IGSF9: variants seen among roughly 807,000 people sequenced by gnomAD.
The protein encoded by IGSF9 is immunoglobulin superfamily member 9.
In IGSF9, 87 loss-of-function variants were observed where a neutral mutation model predicts 121.7. That is an observed-to-expected ratio of 0.71 (90% CI 0.60 to 0.85). The LOEUF (loss-of-function observed/expected upper bound fraction) is 0.85. Among genes scored for constraint, IGSF9 ranks in the 40% least tolerant of loss-of-function variants. IGSF9 has a pLI of 0.00. For synonymous variants in IGSF9, 640 were observed against 648.4 expected, an observed-to-expected ratio of 0.99 and a Z score of 0.20; for missense variants, 1,462 against 1,565.3, an observed-to-expected ratio of 0.93 and a Z score of 1.11.
At chr1:159,936,284 G>A (rs1159637000) in intron 6 of IGSF9, 115 bp downstream of exon 6, 1 of 906,036 alleles carries the variant, frequency 1.1e-6, no homozygotes, top group Non-Finnish European at 1.8e-6. Context: ...AGCTTCCACG[G>A]GCCCTGCCCT....
At chr1:159,927,974 C>T (rs2101872795) in intron 19 of IGSF9, 87 bp from the exon 20 acceptor site, 1 of 1,531,654 alleles carries the variant, frequency 6.5e-7, no homozygotes, top group South Asian at 1.2e-5. Context: ...CGACCGCAAA[C>T]TCACGTTAGG....
intron 1 of IGSF9, among the ~76,000 whole-genome samples, chr1:159,945,285 C>T (rs1651544574): frequency 6.6e-6 from 1 of 151,588 alleles, no homozygotes; most frequent in Non-Finnish European, 1.5e-5. Context: ...ATTCTGATAC[C>T]CCACCCCCAA....
intron 3 of IGSF9, among the ~76,000 whole-genome samples, chr1:159,938,423 C>A (rs941124482): frequency 6.6e-6 from 1 of 152,208 alleles, no homozygotes; most frequent in African/African-American, 2.4e-5. Context: ...TCGCCCTATC[C>A]TCTCCATGCC....
rs370513795 is a variant in IGSF9, at chr1:159,937,667, C to G, written c.400+19G>C. On this transcript the variant is annotated intron_variant, in intron 4 of 20. Coordinates refer to ENST00000368094, the MANE Select transcript of IGSF9 (RefSeq NM_001135050.2). ...CCTCCTCCCCGTCCTTCTCCACCAC[C>G]TGCCCCCCAGCTTCATACAATTGAC... The G allele has an allele frequency of 6.2e-7, 1 of 1,605,418 alleles. No homozygotes were observed. The highest frequency in any genetic ancestry group is 2.2e-5 in the East Asian group (1 of 44,576).
In IGSF9 at chr1:159,930,810, C is replaced by G; in HGVS notation, c.1695G>C (p.Gly565=). The G allele has an allele frequency of 6.2e-7, 1 of 1,613,890 alleles. No homozygotes were observed. The highest frequency in any genetic ancestry group is 1.1e-5 in the South Asian group (1 of 91,062). Residue 565 remains glycine, a synonymous_variant, in exon 14 of 21, where the codon GGG becomes GGC. Coordinates refer to ENST00000368094, the MANE Select transcript of IGSF9 (RefSeq NM_001135050.2). The part of the protein sequence containing the change: ...HDWVSLAVPV[G]AAHLLVPGLQ... ...GCCCTGGCACTAGGAGGTGAGCAGCCCCCACAGGCACTGCCAAGGACACCC... is the reference window on the plus strand; with the variant it reads ...GCCCTGGCACTAGGAGGTGAGCAGCGCCCACAGGCACTGCCAAGGACACCC...
chr1:159,943,338 C>A, intron 2 of IGSF9, 59 bp downstream of exon 2: 5 of 1,450,896 alleles, frequency 3.4e-6, no homozygotes, highest in Non-Finnish European at 4.6e-6. Context: ...CCTTGAGGAA[C>A]ACCCCCATAC....
intron 4 of IGSF9, 152 bp from the exon 5 acceptor site, chr1:159,937,060 C>T: frequency 2.8e-6 from 2 of 712,884 alleles, no homozygotes; most frequent in Admixed American, 2.9e-5. Flanking sequence ...ACCCTGTCTA[C>T]TGCACCCAGG....
Position 159,932,444 on chromosome 1 carries a change from G to T in IGSF9, c.1245+68C>A. 1 of 1,480,988 alleles carries T rather than the reference G, an allele frequency of 6.8e-7. No homozygotes were observed. The highest frequency in any genetic ancestry group is 9.3e-7 in the Non-Finnish European group (1 of 1,076,490). 91.7% of individuals were successfully genotyped at this position (1,480,988 alleles called of 1,614,324 possible). A position where few individuals can be genotyped will look rare whatever the true frequency, so the allele number is the denominator to read the frequency against. ...TGCCCCACCCCACCCCCATCAGCCT[G>T]GCCTTAGCACCATCTCCAGCCATCT... On this transcript the variant is annotated intron_variant, in intron 10 of 20. Coordinates refer to ENST00000368094, the MANE Select transcript of IGSF9 (RefSeq NM_001135050.2). The surrounding 1 kb of genome is among the most constrained non-coding windows in gnomAD (Gnocchi z 4.1).
At position 159,928,865 on chromosome 1, in the gene IGSF9, AG is replaced by A; in HGVS notation, c.2522del (p.Pro841LeufsTer14). 6.3e-7 allele frequency: 1 copy of A among 1,586,658 alleles called. No homozygotes were observed. The highest frequency in any genetic ancestry group is 8.6e-7 in the Non-Finnish European group (1 of 1,167,662). On this transcript the variant is annotated frameshift_variant, in exon 19 of 21. Coordinates refer to ENST00000368094, the MANE Select transcript of IGSF9 (RefSeq NM_001135050.2). LOFTEE classifies it high-confidence loss of function. ...CTGGGCCCCGGCAAATGGGCTCCAG[AG>A]GTAAGGGTCCCCGGCTAGATGGAGG... Reference protein sequence around the residue: ...PDPPSSRGPLPLEPICRGPDG... With the variant: ...PDPPSSRGPLXLEPICRGPDG...
In IGSF9 at chr1:159,927,097, C is replaced by CAGAGAGAGAGAGAGAGAGAGAGAG; in HGVS notation, c.*224_*247dup. 8.1e-6 allele frequency: 3 copies of CAGAGAGAGAGAGAGAGAGAGAGAG among 371,878 alleles called. No homozygotes were observed. The highest frequency in any genetic ancestry group is 7.6e-5 in the South Asian group (2 of 26,286). The allele number at this position is 371,878 out of a possible 1,614,324, so 23.0% of individuals were successfully genotyped here. On this transcript the variant is annotated 3_prime_UTR_variant, in exon 21 of 21. Transcript: ENST00000368094. ...AACTTCACACACACACACACACACA[C>CAGAGAGAGAGAGAGAGAGAGAGAG]AGAGAGAGAGAGAGAGAGAGAGAGA...
At position 159,928,656 on chromosome 1, in the gene IGSF9, G is replaced by C; in HGVS notation, c.2732C>G (p.Ala911Gly). The change falls in exon 19 of 21, where the codon GCA becomes GGA. Residue 911 changes from alanine (A) to glycine (G), a missense_variant. By Grantham distance (60) the Ala-to-Gly change is moderately conservative (BLOSUM62 0). Coordinates refer to ENST00000368094, the MANE Select transcript of IGSF9 (RefSeq NM_001135050.2). ...EDISPVAPPP[A>G]APPSPLPGPG... ...ACCTGGCAAGGGACTGGGTGGGGCT[G>C]CTGGAGGGGGTGCCACAGGGCTGAT... 1.4e-6 allele frequency: 2 copies of C among 1,478,778 alleles called. No individual in the cohort carries two copies. Among genetic ancestry groups the C allele is most frequent in the Non-Finnish European group, 1.8e-6 (2 of 1,113,324 alleles). 91.6% of individuals were successfully genotyped at this position (1,478,778 alleles called of 1,614,324 possible).
intron 3 of IGSF9, among the ~76,000 whole-genome samples, chr1:159,939,151 C>T (rs1341704353): frequency 6.6e-6 from 1 of 152,198 alleles, no homozygotes; most frequent in African/African-American, 2.4e-5. Context: ...AGCCTACTTG[C>T]CAGTCTCCCT....
In IGSF9 at chr1:159,931,535, G is replaced by C. The variant is rs769287742; in HGVS notation, c.1431C>G (p.Thr477=). The part of the protein sequence containing the change: ...SNSSLILRPL[T]KEAHGHWECS... ...ATTCCCAGTGCCCGTGGGCCTCCTTGGTCAATGGTCGCAGGATGAGGCTGC... is the reference window on the plus strand; with the variant it reads ...ATTCCCAGTGCCCGTGGGCCTCCTTCGTCAATGGTCGCAGGATGAGGCTGC... Residue 477 remains threonine (T), a synonymous_variant, in exon 12 of 21, where the codon ACC becomes ACG. Coordinates refer to ENST00000368094, the MANE Select transcript of IGSF9 (RefSeq NM_001135050.2). This position sits in a 1 kb window ranked among gnomAD's most constrained non-coding sequence, Gnocchi z 4.8. 20 of 1,614,040 alleles carry C rather than the reference G, an allele frequency of 1.2e-5. No homozygotes were observed. Among genetic ancestry groups the C allele is most frequent in the Non-Finnish European group, 1.7e-6 (2 of 1,180,020 alleles).
chr1:159,928,317 T>C lies in IGSF9; in HGVS notation c.3071A>G (p.Gln1024Arg). 1 of 1,611,058 alleles carries C rather than the reference T, an allele frequency of 6.2e-7. No individual in the cohort carries two copies. The highest frequency in any genetic ancestry group is 1.1e-5 in the South Asian group (1 of 90,640). Reference sequence around the variant, plus strand: ...CGAAGCGCTGCCTCGCCCACTGCTCTGGCTGGTGAGGCTGCCTCGAGGGGC... The same window carrying C: ...CGAAGCGCTGCCTCGCCCACTGCTCCGGCTGGTGAGGCTGCCTCGAGGGGC... ...PAAPRGSLTS[Q>R]SSGRGSASFL... The change falls in exon 19 of 21, where the codon CAG becomes CGG. Residue 1024 changes from glutamine (Q) to arginine (R), a missense_variant. Around this residue, in one of 3 missense-constraint regions of IGSF9, gnomAD observed 808 missense variants for 815.2 expected, o/e 0.99. Transcript: ENST00000368094.
At chr1:159,934,621 G>A (rs1046643189) in intron 7 of IGSF9, 51 bp from the exon 8 acceptor site, 1 of 1,613,354 alleles carries the variant, frequency 6.2e-7, no homozygotes, top group African/African-American at 1.3e-5. Flanking sequence ...CAGCCAAGCG[G>A]CTCTTCAGAG....
At chr1:159,945,200 C>A (rs1280781753) in intron 1 of IGSF9, among the ~76,000 whole-genome samples, 1 of 151,890 alleles carries the variant, frequency 6.6e-6, no homozygotes, top group South Asian at 2.1e-4. Context: ...CTCCCCACCC[C>A]CCAGCCACTT....
At chr1:159,943,889 T>C (rs1348642213) in intron 1 of IGSF9, among the ~76,000 whole-genome samples, 1 of 151,784 alleles carries the variant, frequency 6.6e-6, no homozygotes, top group East Asian at 1.9e-4. Context: ...TCTTAGGAAA[T>C]GTGGAAGGAT....
At chr1:159,930,582 A>G in intron 14 of IGSF9, 110 bp downstream of exon 14, 1 of 1,544,570 alleles carries the variant, frequency 6.5e-7, no homozygotes, top group Non-Finnish European at 8.8e-7. Context: ...CTGGACCCCA[A>G]GCTGGCCAGC....
In IGSF9 at chr1:159,943,207, G is replaced by T; in HGVS notation, c.59-56C>A. On this transcript the variant is annotated intron_variant, in intron 2 of 20. Coordinates refer to ENST00000368094, the MANE Select transcript of IGSF9 (RefSeq NM_001135050.2). ...GGGGGCTAGGGTCAGTGCTGGGAGG[G>T]GGAGTGCCATCAGTATCTCTGTAGG... 4 of 1,459,192 alleles carry T rather than the reference G, an allele frequency of 2.7e-6. No individual in the cohort carries two copies. In the South Asian group the frequency reaches 5.3e-5, roughly 19 times the overall value. The allele number at this position is 1,459,192 out of a possible 1,614,324, so 90.4% of individuals were successfully genotyped here. A position where few individuals can be genotyped will look rare whatever the true frequency, so the allele number is the denominator to read the frequency against.
Sources: allele counts gnomAD v4.1 joint callset (sites outside exome capture counted in the v4.1 genomes callset), GRCh38; gene constraint gnomAD v4.1.1; regional missense constraint gnomAD v4.1.1; non-coding constraint Gnocchi (gnomAD v3.1); transcripts MANE v1.5; gene names NCBI Gene and HGNC (gene_info 2026-07-23, HGNC 2026-07-21).